Variants in UPF2 observed in about 807,000 individuals in gnomAD.
UPF2 encodes the protein UPF2 regulator of nonsense mediated mRNA decay.
A neutral mutation model predicts 141.4 loss-of-function variants in UPF2; 17 were observed. That is an observed-to-expected ratio of 0.12 (90% confidence interval 0.08 to 0.18). The LOEUF is 0.18. Ranked by LOEUF, UPF2 falls within the 10% of genes least tolerant of loss-of-function variation. UPF2 has a pLI of 1.00. For missense variants in UPF2, 1,152 were observed against 1,515.9 expected (o/e 0.76, Z 3.99); for synonymous variants, 540 against 498.0 (o/e 1.08, Z -1.12).
At chr10:12,034,334 T>A (rs10795922) in intron 2 of UPF2, among the ~76,000 whole-genome samples, 90,428 of 151,430 alleles carry the variant, frequency 0.6, 28,313 homozygotes, top group East Asian at 0.86. Context: ...TTTATTTTTT[T>A]TTTTTTGAGA....
intron 11 of UPF2, among the ~76,000 whole-genome samples, chr10:11,962,134 CAATT>C (rs1416177612): frequency 6.6e-6 from 1 of 152,164 alleles, no homozygotes; most frequent in Non-Finnish European, 1.5e-5. Context: ...CTTTTAATCT[CAATT>C]AGTCTCAACC....
intron 3 of UPF2, among the ~76,000 whole-genome samples, chr10:12,015,045 A>G (rs142805878): frequency 3.2e-3 from 486 of 152,372 alleles, no homozygotes; most frequent in Non-Finnish European, 5.5e-3. Flanking sequence ...TTATATTCGT[A>G]TAAATCACTG....
intron 11 of UPF2, among the ~76,000 whole-genome samples, chr10:11,963,494 G>A (rs576840187): frequency 3.3e-5 from 5 of 152,252 alleles, no homozygotes; most frequent in Admixed American, 2.0e-4. Flanking sequence ...GCATCACCAC[G>A]CCTGGCTAGT....
At chr10:11,938,549 T>C (rs139546273) in intron 18 of UPF2, among the ~76,000 whole-genome samples, 30 of 152,254 alleles carry the variant, frequency 2.0e-4, no homozygotes, top group African/African-American at 7.0e-4. Context: ...TCCCAATATC[T>C]GATGGTCTGA....
At chr10:11,938,853 G>GTTTTTTTGTTTTTTTTTTTTT (rs1832890068) in intron 18 of UPF2, among the ~76,000 whole-genome samples, 2 of 79,814 alleles carry the variant, frequency 2.5e-5, no homozygotes, top group African/African-American at 1.0e-4. Flanking sequence ...TTTTTTTTTT[G>GTTTTTTTGTTTTTTTTTTTTT]TTTTTTTTTT....
At chr10:11,974,591 C>A (rs532681464) in intron 9 of UPF2, among the ~76,000 whole-genome samples, 1 of 152,226 alleles carries the variant, frequency 6.6e-6, no homozygotes, top group African/African-American at 2.4e-5. Context: ...GCATGAAGGG[C>A]TGTTGAATTT....
intron 3 of UPF2, 102 bp downstream of exon 3, chr10:12,028,643 A>G: frequency 8.4e-7 from 1 of 1,196,800 alleles, no homozygotes; most frequent in Non-Finnish European, 1.1e-6. Flanking sequence ...ACCTGTAAGG[A>G]GCCCTTTTCC....
chr10:12,011,639 T>C (rs1834129152), intron 4 of UPF2, among the ~76,000 whole-genome samples: 1 of 128,342 alleles, frequency 7.8e-6, no homozygotes, highest in Non-Finnish European at 1.9e-5. Context: ...TTCTGGAAAA[T>C]GTCTAAAAAT....
intron 15 of UPF2, among the ~76,000 whole-genome samples, chr10:11,949,074 C>T (rs891524279): frequency 6.6e-6 from 1 of 152,214 alleles, no homozygotes; most frequent in Non-Finnish European, 1.5e-5. Context: ...CAGCATTCTC[C>T]TCCTAAGCCT....
At chr10:11,932,535 G>T (rs992656245) in intron 19 of UPF2, among the ~76,000 whole-genome samples, 7 of 151,874 alleles carry the variant, frequency 4.6e-5, no homozygotes, top group African/African-American at 1.7e-4. Flanking sequence ...TTTACAAAAG[G>T]CAAAGTTCTC....
intron 9 of UPF2, among the ~76,000 whole-genome samples, chr10:11,971,839 G>A (rs896431242): frequency 1.3e-4 from 19 of 151,976 alleles, no homozygotes; most frequent in East Asian, 3.9e-4. Flanking sequence ...CAAGGCAGGC[G>A]GATCACTTAA....
chr10:12,017,639 G>A (rs1211554362), intron 3 of UPF2, among the ~76,000 whole-genome samples: 4 of 152,156 alleles, frequency 2.6e-5, no homozygotes, highest in African/African-American at 9.7e-5. Flanking sequence ...CCTAACTAAT[G>A]AGTGTGTACT....
At chr10:11,981,248 A>G (rs1270106607) in intron 8 of UPF2, among the ~76,000 whole-genome samples, 1 of 152,196 alleles carries the variant, frequency 6.6e-6, no homozygotes, top group Non-Finnish European at 1.5e-5. Context: ...AAAAGCCTCA[A>G]AAACATGGTA....
At chr10:11,932,991 C>T (rs117684526) in intron 19 of UPF2, among the ~76,000 whole-genome samples, 73 of 152,214 alleles carry the variant, frequency 4.8e-4, no homozygotes, top group African/African-American at 1.2e-3. Flanking sequence ...ATTTATATTA[C>T]ATTAAAACTT....
chr10:12,027,626 C>T (rs1834443927), intron 3 of UPF2, among the ~76,000 whole-genome samples: 1 of 152,164 alleles, frequency 6.6e-6, no homozygotes, highest in African/African-American at 2.4e-5. Context: ...AAGGATAAGC[C>T]TTTTCCTTTT....
intron 16 of UPF2, among the ~76,000 whole-genome samples, chr10:11,946,739 G>T (rs1564340448): frequency 1.3e-5 from 2 of 152,026 alleles, no homozygotes; most frequent in Non-Finnish European, 1.5e-5. Context: ...CTTTTATTTT[G>T]ATCGACTTTT....
chr10:12,001,835 A>T lies in UPF2; in HGVS notation c.1505-10T>A. The T allele has an allele frequency of 6.3e-7, 1 of 1,579,290 alleles. No homozygotes were observed. Among genetic ancestry groups the T allele is most frequent in the Non-Finnish European group, 8.6e-7 (1 of 1,165,668 alleles). On this transcript the variant is annotated splice_polypyrimidine_tract_variant and intron_variant, in intron 5 of 21. Coordinates refer to ENST00000357604, the MANE Select transcript of UPF2 (RefSeq NM_015542.4). ...TTAGATTCTTTTGCCTCTGTTGAAA[A>T]ACAAACAAGTATACCTAAATTCAAA...
At chr10:11,986,388 A>G (rs1833692757) in intron 8 of UPF2, among the ~76,000 whole-genome samples, 1 of 152,082 alleles carries the variant, frequency 6.6e-6, no homozygotes, top group Non-Finnish European at 1.5e-5. Context: ...AACAGTCACT[A>G]ACTACAAGCA....
In UPF2 at chr10:11,940,744, C is replaced by T. The variant is rs1832926770; in HGVS notation, c.3378+1921G>A. On this transcript the variant is annotated intron_variant, in intron 18 of 21. Coordinates refer to ENST00000357604, the MANE Select transcript of UPF2 (RefSeq NM_015542.4). The surrounding 1 kb of genome is among the most constrained non-coding windows in gnomAD (Gnocchi z 4.2). Reference sequence around the variant, plus strand: ...TAGACAGCTGACTGTCATCTCTCACCTGAATCACTACAAAAGCCTTCTGTC... The same window carrying T: ...TAGACAGCTGACTGTCATCTCTCACTTGAATCACTACAAAAGCCTTCTGTC... Among the ~76,000 whole-genome samples, 1 of 152,220 alleles carries T rather than the reference C, an allele frequency of 6.6e-6. No homozygotes were observed. The highest frequency in any genetic ancestry group is 1.5e-5 in the Non-Finnish European group (1 of 68,048).
Sources: allele counts gnomAD v4.1 joint callset (sites outside exome capture counted in the v4.1 genomes callset), GRCh38; gene constraint gnomAD v4.1.1; non-coding constraint Gnocchi (gnomAD v3.1); transcripts MANE v1.5; gene names NCBI Gene and HGNC (gene_info 2026-07-23, HGNC 2026-07-21).